The following RHCE variants were observed in gnomAD, a reference collection of about 807,000 sequenced individuals.
RHCE encodes blood group Rh(CE) polypeptide.
A neutral mutation model predicts 43.8 loss-of-function variants in RHCE; 22 were observed. The ratio of observed to expected loss-of-function variants is 0.50; its 90% CI spans 0.36 to 0.72. The LOEUF (loss-of-function observed/expected upper bound fraction) is 0.72, where lower values mean the gene tolerates loss of function less well. RHCE is among the 30% of genes least tolerant of loss of function. The pLI, the probability that RHCE is intolerant of heterozygous loss-of-function variation, is 0.00. For missense variants in RHCE, 385 were observed against 525.4 expected, an observed-to-expected ratio of 0.73 and a Z score of 2.61; for synonymous variants, 156 against 210.7, an observed-to-expected ratio of 0.74 and a Z score of 2.25.
At chr1:25,390,679 G>C (rs1646329966) in intron 5 of RHCE, 70 bp downstream of exon 5, 10 of 1,566,938 alleles carry the variant, frequency 6.4e-6, no homozygotes, top group Admixed American at 1.7e-5. Context: ...CCCTGGGGTG[G>C]GGAGGGGCAT....
chr1:25,414,236 C>T (rs911025889), intron 1 of RHCE, among the ~76,000 whole-genome samples: 13 of 151,864 alleles, frequency 8.6e-5, no homozygotes, highest in Non-Finnish European at 1.3e-4. Flanking sequence ...TGAGTCCATC[C>T]CCTTGGGCAG....
intron 2 of RHCE, among the ~76,000 whole-genome samples, chr1:25,405,255 G>A (rs188412167): frequency 2.6e-4 from 39 of 152,304 alleles, no homozygotes; most frequent in Non-Finnish European, 5.3e-4. Context: ...CTACTTAGGA[G>A]GCTGAGGCAG....
upstream of RHCE, among the ~76,000 whole-genome samples, chr1:25,424,456 C>T (rs1275048677): frequency 2.6e-5 from 4 of 151,946 alleles, no homozygotes; most frequent in East Asian, 7.7e-4. Flanking sequence ...GGCACAATCT[C>T]GGCTCACTGC....
intron 7 of RHCE, among the ~76,000 whole-genome samples, chr1:25,379,489 ATATATATTTTTTTTTTTTTT>A (rs1280321978): frequency 4.6e-4 from 9 of 19,690 alleles, no homozygotes; most frequent in African/African-American, 3.0e-3. Context: ...ATATATATAT[ATATATATTTTTTTTTTTTTT>A]TTTTTTTTTT....
At chr1:25,388,426 T>G (rs920127316) in intron 6 of RHCE, among the ~76,000 whole-genome samples, 61 of 135,150 alleles carry the variant, frequency 4.5e-4, no homozygotes, top group Non-Finnish European at 8.0e-4. Flanking sequence ...ATCATCCACG[T>G]GGTTCCCCGG....
intron 4 of RHCE, 93 bp from the exon 5 acceptor site, chr1:25,391,008 G>A: frequency 6.4e-7 from 1 of 1,562,486 alleles, no homozygotes; most frequent in Non-Finnish European, 8.8e-7. Flanking sequence ...TAGGGCTGGA[G>A]AGTCTCAGCC....
chr1:25,379,969 C>T (rs1645944403), intron 7 of RHCE, among the ~76,000 whole-genome samples: 1 of 151,942 alleles, frequency 6.6e-6, no homozygotes, highest in South Asian at 2.1e-4. Context: ...TGAAACACCA[C>T]ACTTAGACAA....
At chr1:25,383,210 C>A (rs1419430175) in intron 7 of RHCE, among the ~76,000 whole-genome samples, 1 of 152,208 alleles carries the variant, frequency 6.6e-6, no homozygotes, top group African/African-American at 2.4e-5. Context: ...ACTTAAAAAT[C>A]CCACAGTTTG....
At chr1:25,418,419 T>C (rs921423707) in intron 1 of RHCE, among the ~76,000 whole-genome samples, 1 of 151,868 alleles carries the variant, frequency 6.6e-6, no homozygotes, top group Admixed American at 6.6e-5. Flanking sequence ...TGGAGTGTAA[T>C]GGCCTCCCAA....
At chr1:25,369,153 A>G (rs1645525609) in intron 9 of RHCE, among the ~76,000 whole-genome samples, 1 of 151,758 alleles carries the variant, frequency 6.6e-6, no homozygotes, top group African/African-American at 2.4e-5. Flanking sequence ...GAAGGAAAAG[A>G]AGGGGCAGGG....
intron 8 of RHCE, among the ~76,000 whole-genome samples, chr1:25,371,834 T>C (rs1454247102): frequency 6.6e-6 from 1 of 151,490 alleles, no homozygotes; most frequent in Non-Finnish European, 1.5e-5. Context: ...TTAAGGATGA[T>C]CAGTTCCAGT....
intron 7 of RHCE, among the ~76,000 whole-genome samples, chr1:25,385,093 T>C (rs550010132): frequency 6.6e-6 from 1 of 152,290 alleles, no homozygotes; most frequent in Admixed American, 6.5e-5. Context: ...CTCTGGTGTG[T>C]CAAACTGACC....
chr1:25,392,625 C>T (rs962250494), intron 3 of RHCE, among the ~76,000 whole-genome samples: 2 of 125,142 alleles, frequency 1.6e-5, no homozygotes, highest in Non-Finnish European at 3.2e-5. Context: ...AGCTGGAGTG[C>T]AGTGGTGTGG....
At position 25,392,159 on chromosome 1, in the gene RHCE, A is replaced by G. The variant is rs1571873074; in HGVS notation, c.487-18T>C. On this transcript the variant is annotated intron_variant, in intron 3 of 9. Coordinates refer to ENST00000294413, the MANE Select transcript of RHCE (RefSeq NM_020485.8). ...TAGTCTGTCTGCAATAAAACCCAGT[A>G]AGAGCAGTGAGTGTCGGCATCCTCT... 1 of 1,614,090 alleles carries G rather than the reference A, an allele frequency of 6.2e-7. No individual in the cohort carries two copies. Among genetic ancestry groups the G allele is most frequent in the East Asian group, 2.2e-5 (1 of 44,872 alleles).
chr1:25,425,076 C>T (rs1020013470), upstream of RHCE, among the ~76,000 whole-genome samples: 1 of 152,148 alleles, frequency 6.6e-6, no homozygotes, highest in African/African-American at 2.4e-5. Context: ...CTTGGCCTCG[C>T]AAAGTACTGG....
chr1:25,401,062 C>G (rs1233582407), intron 3 of RHCE, among the ~76,000 whole-genome samples: 1 of 152,190 alleles, frequency 6.6e-6, no homozygotes, highest in African/African-American at 2.4e-5. Context: ...GCCAGAGTAT[C>G]TTAAAACATA....
In RHCE at chr1:25,409,207, T is replaced by C. The variant is rs581424; in HGVS notation, c.149-338A>G. Among the ~76,000 whole-genome samples the C allele has an allele frequency of 1.2e-3, 148 of 122,456 alleles. 1 individual carries two copies. Among genetic ancestry groups the C allele is most frequent in the African/African-American group, 3.7e-3 (141 of 38,442 alleles). The allele number at this position is 122,456 out of a possible 152,430, so 80.3% of individuals were successfully genotyped here. A position where few individuals can be genotyped will look rare whatever the true frequency, so the allele number is the denominator to read the frequency against. ...ACAAGTGTAAAGTACACGTGCTTGA[T>C]GCACATGGACACTCAGTAAAGGTCA... On this transcript the variant is annotated intron_variant, in intron 1 of 9. Coordinates refer to ENST00000294413, the MANE Select transcript of RHCE (RefSeq NM_020485.8).
At chr1:25,372,745 A>G (rs1401299683) in intron 8 of RHCE, among the ~76,000 whole-genome samples, 4 of 151,702 alleles carry the variant, frequency 2.6e-5, no homozygotes, top group Non-Finnish European at 5.9e-5. Flanking sequence ...GGCTTCTGGG[A>G]GTCCATTTGG....
chr1:25,417,447 A>G (rs1647640871), intron 1 of RHCE, among the ~76,000 whole-genome samples: 2 of 152,214 alleles, frequency 1.3e-5, no homozygotes, highest in South Asian at 4.1e-4. Context: ...AAGTGAACAA[A>G]AAGGAAAGGC....
Sources: allele counts gnomAD v4.1 joint callset (sites outside exome capture counted in the v4.1 genomes callset), GRCh38; gene constraint gnomAD v4.1.1; transcripts MANE v1.5; gene names NCBI Gene and HGNC (gene_info 2026-07-23, HGNC 2026-07-21).